Variants in CTNND2 observed in about 807,000 individuals in gnomAD.
CTNND2 encodes catenin delta-2.
In CTNND2, 22 loss-of-function variants were observed where a neutral mutation model predicts 144.4. The observed-to-expected ratio is 0.15, with a 90% CI of 0.11 to 0.22. CTNND2 has a LOEUF of 0.22. Among genes scored for constraint, CTNND2 ranks in the 10% least tolerant of loss-of-function variants. The pLI is 1.00. For synonymous variants in CTNND2, 751 were observed against 695.6 expected (o/e 1.08, Z -1.25); for missense variants, 1,353 against 1,618.8 (o/e 0.84, Z 2.82).
intron 3 of CTNND2, among the ~76,000 whole-genome samples, chr5:11,546,609 A>T (rs1038078348): frequency 1.4e-4 from 21 of 151,874 alleles, no homozygotes; most frequent in East Asian, 3.8e-4. Context: ...TCTCTTTTTT[A>T]AAAAAAAGAA....
At chr5:11,470,576 T>C (rs1287829028) in intron 3 of CTNND2, among the ~76,000 whole-genome samples, 1 of 152,214 alleles carries the variant, frequency 6.6e-6, no homozygotes, top group Non-Finnish European at 1.5e-5. Flanking sequence ...ACTAAAGTCC[T>C]TGGTTTATTT....
intron 16 of CTNND2, among the ~76,000 whole-genome samples, chr5:11,066,583 T>C (rs1476916086): frequency 6.6e-6 from 1 of 151,648 alleles, no homozygotes; most frequent in East Asian, 1.9e-4. Flanking sequence ...TAAAACCAAG[T>C]GCACCCTGAC....
intron 3 of CTNND2, among the ~76,000 whole-genome samples, chr5:11,556,014 G>A (rs1392309384): frequency 2.0e-5 from 3 of 152,078 alleles, no homozygotes; most frequent in Non-Finnish European, 4.4e-5. Context: ...TAAACTAATT[G>A]TCTTGTTTAA....
chr5:11,538,586 C>T (rs888847087), intron 3 of CTNND2, among the ~76,000 whole-genome samples: 1 of 152,120 alleles, frequency 6.6e-6, no homozygotes, highest in African/African-American at 2.4e-5. Context: ...CTCTAGATGC[C>T]CAGAAACCCA....
At chr5:11,202,354 G>T (rs1172341917) in intron 10 of CTNND2, among the ~76,000 whole-genome samples, 1 of 152,124 alleles carries the variant, frequency 6.6e-6, no homozygotes, top group African/African-American at 2.4e-5. Flanking sequence ...AATGTTTTCA[G>T]TATGGCCCTA....
intron 3 of CTNND2, among the ~76,000 whole-genome samples, chr5:11,564,255 G>C (rs7718979): frequency 0.041 from 6,294 of 152,256 alleles, 184 homozygotes; most frequent in Non-Finnish European, 0.066. Context: ...CATCTAACAA[G>C]AGCGTTTTTG....
intron 1 of CTNND2, among the ~76,000 whole-genome samples, chr5:11,807,591 C>A (rs910650897): frequency 6.6e-6 from 1 of 152,060 alleles, no homozygotes; most frequent in Admixed American, 6.6e-5. Flanking sequence ...AATTTATTGG[C>A]AATCTGGAAA....
chr5:11,776,059 A>T (rs922846586), intron 1 of CTNND2, among the ~76,000 whole-genome samples: 2 of 152,168 alleles, frequency 1.3e-5, no homozygotes, highest in Non-Finnish European at 2.9e-5. Context: ...CAGAGGGAGC[A>T]TGGGTGGCCC....
At chr5:11,788,569 C>T (rs150066344) in intron 1 of CTNND2, among the ~76,000 whole-genome samples, 2 of 152,062 alleles carry the variant, frequency 1.3e-5, no homozygotes, top group African/African-American at 4.8e-5. Context: ...TTCTCACATA[C>T]GTAGAAGTCT....
intron 18 of CTNND2, among the ~76,000 whole-genome samples, chr5:11,011,493 A>G (rs1392876296): frequency 2.6e-5 from 4 of 152,336 alleles, no homozygotes; most frequent in African/African-American, 9.6e-5. Flanking sequence ...CTGGGATTAC[A>G]GGCATGAGCC....
intron 2 of CTNND2, among the ~76,000 whole-genome samples, chr5:11,696,346 A>G (rs1785139345): frequency 6.6e-6 from 1 of 152,196 alleles, no homozygotes; most frequent in African/African-American, 2.4e-5. Flanking sequence ...TTCTTAGCTC[A>G]TAGGCCATAG....
intron 3 of CTNND2, among the ~76,000 whole-genome samples, chr5:11,524,703 C>T (rs962255852): frequency 2.6e-5 from 4 of 152,234 alleles, no homozygotes; most frequent in Admixed American, 2.0e-4. Flanking sequence ...AGTACCTACA[C>T]ACTTTAACAA....
At chr5:11,821,031 C>T (rs1271093768) in intron 1 of CTNND2, among the ~76,000 whole-genome samples, 1 of 152,208 alleles carries the variant, frequency 6.6e-6, no homozygotes. Flanking sequence ...TATGAAACAT[C>T]ATATCTTTAA....
intron 13 of CTNND2, among the ~76,000 whole-genome samples, chr5:11,111,440 C>A (rs780856643): frequency 5.3e-4 from 81 of 152,156 alleles, no homozygotes; most frequent in Non-Finnish European, 1.0e-3. Context: ...CTTAGAATTT[C>A]GGTCAGCTCT....
At chr5:11,509,461 A>G (rs930614300) in intron 3 of CTNND2, among the ~76,000 whole-genome samples, 2 of 152,188 alleles carry the variant, frequency 1.3e-5, no homozygotes, top group African/African-American at 2.4e-5. Flanking sequence ...GTAAACTTTA[A>G]GGGCAAAAAA....
intron 1 of CTNND2, among the ~76,000 whole-genome samples, chr5:11,823,081 T>C (rs907230435): frequency 6.6e-6 from 1 of 152,240 alleles, no homozygotes; most frequent in Non-Finnish European, 1.5e-5. Context: ...TCCAAATTCC[T>C]TGAATCCATA....
chr5:11,004,352 T>C lies in CTNND2; in HGVS notation c.3085-11675A>G, dbSNP rs193162665. Among the ~76,000 whole-genome samples, 78 of 152,368 alleles carry C rather than the reference T, an allele frequency of 5.1e-4. 2 individuals are homozygous for C. In the East Asian group the frequency reaches 0.01, roughly 20 times the overall value. On this transcript the variant is annotated intron_variant, in intron 18 of 21. Transcript: ENST00000304623. ...GAATACAAATGTCTAGCTTCTAATA[T>C]GTCATTTGAGCATTTGAACAGTCAG...
chr5:11,710,233 G>C (rs990595183), intron 2 of CTNND2, among the ~76,000 whole-genome samples: 49 of 152,228 alleles, frequency 3.2e-4, no homozygotes, highest in African/African-American at 1.1e-3. Context: ...TCCTAAATCA[G>C]GTGATGGTTT....
At chr5:11,302,203 G>A (rs1367710147) in intron 9 of CTNND2, among the ~76,000 whole-genome samples, 1 of 152,188 alleles carries the variant, frequency 6.6e-6, no homozygotes, top group Non-Finnish European at 1.5e-5. Context: ...AGTACTGAGA[G>A]GAAGGAAAGA....
Sources: allele counts gnomAD v4.1 joint callset (sites outside exome capture counted in the v4.1 genomes callset), GRCh38; gene constraint gnomAD v4.1.1; transcripts MANE v1.5; gene names NCBI Gene and HGNC (gene_info 2026-07-23, HGNC 2026-07-21).